Variants in TTC3 observed in about 807,000 individuals in gnomAD.
TTC3 encodes tetratricopeptide repeat domain 3.
TTC3 carries 180 observed loss-of-function variants against 249.6 expected under a neutral mutation model. The observed-to-expected ratio is 0.72, with a 90% confidence interval of 0.64 to 0.82. The LOEUF is 0.82. Ranked by LOEUF, TTC3 falls within the 40% of genes least tolerant of loss-of-function variation. The pLI is 0.00. For missense variants in TTC3, 2,061 were observed against 2,398.4 expected (o/e 0.86, Z 2.94); for synonymous variants, 717 against 805.0 (o/e 0.89, Z 1.85).
chr21:37,161,001 G>A (rs2080686733), intron 30 of TTC3, 143 bp downstream of exon 30: 2 of 746,628 alleles, frequency 2.7e-6, no homozygotes, highest in Non-Finnish European at 4.0e-6. Flanking sequence ...TGTTTTGGCA[G>A]TCTTCTACAT....
chr21:37,108,589 A>C, intron 11 of TTC3, 143 bp downstream of exon 11: 1 of 798,644 alleles, frequency 1.3e-6, no homozygotes, highest in Non-Finnish European at 1.9e-6. Context: ...CATCAGATCC[A>C]TGATCAGCGT....
At chr21:37,105,396 T>C (rs1392762020) in intron 10 of TTC3, among the ~76,000 whole-genome samples, 1 of 152,192 alleles carries the variant, frequency 6.6e-6, no homozygotes, top group Non-Finnish European at 1.5e-5. Flanking sequence ...CATCAGAGAC[T>C]TAGATTTTTC....
At chr21:37,196,227 T>G (rs1483395390) in intron 42 of TTC3, among the ~76,000 whole-genome samples, 191 bp downstream of exon 42, 1 of 139,016 alleles carries the variant, frequency 7.2e-6, no homozygotes, top group Non-Finnish European at 1.5e-5. Context: ...AATTGGTGGG[T>G]TTTTTCTTTC....
intron 28 of TTC3, chr21:37,157,346 T>G (rs2080200664): frequency 2.3e-6 from 1 of 427,084 alleles, no homozygotes; most frequent in Non-Finnish European, 4.0e-6. Context: ...TCAGGAAAAG[T>G]AGGTTGTGGC....
chr21:37,146,947 C>A (rs1486524014), intron 21 of TTC3, among the ~76,000 whole-genome samples: 1 of 152,106 alleles, frequency 6.6e-6, no homozygotes, highest in Non-Finnish European at 1.5e-5. Context: ...CTATTGATAA[C>A]AAAAAGCCAG....
At chr21:37,186,999 A>T in intron 37 of TTC3, 50 bp from the exon 38 acceptor site, 1 of 1,175,612 alleles carries the variant, frequency 8.5e-7, no homozygotes, top group Non-Finnish European at 1.2e-6. Flanking sequence ...TTGTCATCTC[A>T]CTGTGAAATT....
intron 11 of TTC3, among the ~76,000 whole-genome samples, chr21:37,111,694 C>T (rs371548190): frequency 2.6e-5 from 4 of 152,064 alleles, no homozygotes; most frequent in Non-Finnish European, 4.4e-5. Context: ...CTGCACCAAG[C>T]GGACCTAATA....
At chr21:37,097,546 G>T (rs1245291316) in intron 10 of TTC3, among the ~76,000 whole-genome samples, 1 of 152,148 alleles carries the variant, frequency 6.6e-6, no homozygotes, top group African/African-American at 2.4e-5. Context: ...TACCCAAAAT[G>T]AAATGGGAAA....
At chr21:37,195,631 A>G (rs780947706) in intron 41 of TTC3, 44 bp from the exon 42 acceptor site, 1 of 1,538,666 alleles carries the variant, frequency 6.5e-7, no homozygotes. Context: ...TTCATCCTTC[A>G]AGGGAAGCCC....
At chr21:37,195,407 G>C (rs1347742516) in intron 41 of TTC3, among the ~76,000 whole-genome samples, 1 of 152,190 alleles carries the variant, frequency 6.6e-6, no homozygotes, top group African/African-American at 2.4e-5. Context: ...CCAGTAGGCA[G>C]GCAAAATGGT....
At chr21:37,170,289 T>TGG (rs1404456572) in intron 34 of TTC3, among the ~76,000 whole-genome samples, 3 of 152,110 alleles carry the variant, frequency 2.0e-5, no homozygotes, top group African/African-American at 7.2e-5. Context: ...AAGGAAAAGA[T>TGG]CAACAATCTG....
At chr21:37,098,521 G>C (rs2074169815) in intron 10 of TTC3, 2 of 152,264 alleles carry the variant, frequency 1.3e-5, no homozygotes, top group Non-Finnish European at 1.5e-5. Flanking sequence ...CCTCCTTGCT[G>C]ATGGTCTAGC....
At chr21:37,197,238 G>A (rs2085015905) in intron 42 of TTC3, among the ~76,000 whole-genome samples, 1 of 152,166 alleles carries the variant, frequency 6.6e-6, no homozygotes, top group Admixed American at 6.5e-5. Flanking sequence ...GAGGTCAGGA[G>A]TTCGGGACCA....
At chr21:37,090,095 G>T (rs1568876432) in intron 5 of TTC3, 138 bp from the exon 6 acceptor site, 3 of 542,402 alleles carry the variant, frequency 5.5e-6, no homozygotes, top group African/African-American at 2.0e-5. Flanking sequence ...GGGGTAACTT[G>T]GTCATGTAAA....
intron 15 of TTC3, among the ~76,000 whole-genome samples, chr21:37,127,822 G>A (rs377682026): frequency 7.9e-5 from 12 of 152,302 alleles, no homozygotes; most frequent in African/African-American, 2.9e-4. Context: ...TTAGTATTGA[G>A]CATTTCCATT....
Position 37,090,409 on chromosome 21 carries a change from G to A in TTC3, c.480+123G>A, listed in dbSNP as rs1157376091. 5 of 1,045,020 alleles carry A rather than the reference G, an allele frequency of 4.8e-6. No individual in the cohort carries two copies. In the East Asian group the frequency reaches 1.1e-4, roughly 23 times the overall value. 64.7% of individuals were successfully genotyped at this position (1,045,020 alleles called of 1,614,324 possible). A position where few individuals can be genotyped will look rare whatever the true frequency, so the allele number is the denominator to read the frequency against. ...TCTATATGTGGTATTTGGTAGTATT[G>A]ACTTCTATATTTTCCTTAAGGAGAC... On this transcript the variant is annotated intron_variant, in intron 6 of 45. Coordinates refer to ENST00000355666, the Ensembl canonical transcript of TTC3.
At chr21:37,187,263 G>A in intron 38 of TTC3, 118 bp downstream of exon 38, 4 of 712,190 alleles carry the variant, frequency 5.6e-6, no homozygotes, top group Non-Finnish European at 9.2e-6. Flanking sequence ...AGGATATCCT[G>A]TAACCCATAA....
rs146080131 is a variant in TTC3, at chr21:37,078,042, T to A, written c.-12+4678T>A. ...GTATGTTCTGAGATAGTGATCCACATTGATTTTTTTTTTCTCCTGTGTGGT... is the reference window on the plus strand; with the variant it reads ...GTATGTTCTGAGATAGTGATCCACAATGATTTTTTTTTTCTCCTGTGTGGT... On this transcript the variant is annotated intron_variant, in intron 1 of 45. Coordinates refer to ENST00000355666, the Ensembl canonical transcript of TTC3. Among the ~76,000 whole-genome samples the A allele has an allele frequency of 6.6e-3, 1,003 of 152,298 alleles. 6 individuals are homozygous for A. The highest frequency in any genetic ancestry group is 0.012 in the Non-Finnish European group (798 of 68,018).
chr21:37,195,675 G>C, exon 42 of TTC3: 1 of 1,601,916 alleles, frequency 6.2e-7, no homozygotes, highest in Admixed American at 1.7e-5. Flanking sequence ...TTCCTCACAG[G>C]TTCATCCCGA....
Sources: allele counts gnomAD v4.1 joint callset (sites outside exome capture counted in the v4.1 genomes callset), GRCh38; gene constraint gnomAD v4.1.1; transcripts MANE v1.5; gene names NCBI Gene and HGNC (gene_info 2026-07-23, HGNC 2026-07-21).